SC5D: variants seen among roughly 807,000 people sequenced by gnomAD.
The protein encoded by SC5D is lathosterol oxidase.
Under a neutral mutation model 23.9 loss-of-function variants are expected in SC5D, and 21 were observed. The observed-to-expected ratio is 0.88, with a 90% confidence interval of 0.62 to 1.26. The LOEUF (loss-of-function observed/expected upper bound fraction) is 1.26. Ranked by LOEUF, SC5D falls within the 50% of genes most tolerant of loss-of-function variation. The probability of loss-of-function intolerance (pLI) is 0.00; values close to 1 mark genes in which losing one functional copy is unlikely to be tolerated. For missense variants in SC5D, 309 were observed against 364.8 expected, an observed-to-expected ratio of 0.85 and a Z score of 1.25; for synonymous variants, 113 against 125.9, an observed-to-expected ratio of 0.90 and a Z score of 0.68.
Position 121,312,432 on chromosome 11 carries a change from T to C in SC5D, c.*4920T>C, listed in dbSNP as rs544917595. Among the ~76,000 whole-genome samples, 1 of 152,294 alleles carries C rather than the reference T, an allele frequency of 6.6e-6. No homozygotes were observed. Among genetic ancestry groups the C allele is most frequent in the Non-Finnish European group, 1.5e-5 (1 of 68,000 alleles). ...TGTAAATTCCAATTATCCTGAACAT[T>C]TAATACCATTTACATATTTTATTAA... On this transcript the variant is annotated 3_prime_UTR_variant, in exon 5 of 5. Transcript: ENST00000264027.
intron 1 of SC5D, among the ~76,000 whole-genome samples, chr11:121,299,041 G>A (rs977864906): frequency 2.0e-5 from 3 of 152,176 alleles, no homozygotes; most frequent in African/African-American, 7.2e-5. Flanking sequence ...GGATGTATAC[G>A]TGCAGACTTG....
intron 1 of SC5D, among the ~76,000 whole-genome samples, chr11:121,295,195 GAC>G (rs1394727806): frequency 6.6e-6 from 1 of 152,214 alleles, no homozygotes; most frequent in Non-Finnish European, 1.5e-5. Flanking sequence ...ATTCACCCGT[GAC>G]ACAGCCTCAG....
intron 1 of SC5D, among the ~76,000 whole-genome samples, chr11:121,298,901 G>A (rs1004319956): frequency 3.3e-5 from 5 of 152,148 alleles, no homozygotes; most frequent in African/African-American, 9.7e-5. Context: ...GTTCTCTTGC[G>A]GGTCACAAGG....
In SC5D at chr11:121,297,626, G is replaced by T. The variant is rs150969321; in HGVS notation, c.-11+4810G>T. Among the ~76,000 whole-genome samples the T allele has an allele frequency of 2.0e-3, 311 of 152,272 alleles. 1 individual carries two copies. Among genetic ancestry groups the T allele is most frequent in the Middle Eastern group, 0.01 (3 of 294 alleles). On this transcript the variant is annotated intron_variant, in intron 1 of 4. Coordinates refer to ENST00000264027, the MANE Select transcript of SC5D (RefSeq NM_006918.5). ...GAACTACCACCACATGTGACTTAAA[G>T]AATAGAAAAACAGATCGTGGACGTT... is the stretch of plus-strand genomic sequence containing the variant.
Position 121,307,814 on chromosome 11 carries a change from G to A in SC5D, c.*302G>A, listed in dbSNP as rs1947979112. 1 of 269,464 alleles carries A rather than the reference G, an allele frequency of 3.7e-6. No individual in the cohort carries two copies. The highest frequency in any genetic ancestry group is 7.0e-6 in the Non-Finnish European group (1 of 141,924). The allele number at this position is 269,464 out of a possible 1,614,324, so 16.7% of individuals were successfully genotyped here. A position where few individuals can be genotyped will look rare whatever the true frequency, so the allele number is the denominator to read the frequency against. On this transcript the variant is annotated 3_prime_UTR_variant, in exon 5 of 5. Transcript: ENST00000264027. ...CTCAACAACAATTTTAAATAAGATG[G>A]AGAATAAATTATTGAGGGGACTAGG...
In SC5D at chr11:121,303,365, G is replaced by A. The variant is rs1284490366; in HGVS notation, c.-10-1G>A. 6.2e-7 allele frequency: 1 copy of A among 1,613,142 alleles called. No individual in the cohort carries two copies. The highest frequency in any genetic ancestry group is 8.5e-7 in the Non-Finnish European group (1 of 1,179,200). ...AATTGTCACACATGCTTATTTTTTA[G>A]GGGCTAAGTGATGGATCTTGTACTC... is the stretch of plus-strand genomic sequence containing the variant. On this transcript the variant is annotated splice_acceptor_variant, in intron 1 of 4. Coordinates refer to ENST00000264027, the MANE Select transcript of SC5D (RefSeq NM_006918.5). LOFTEE classifies it low-confidence loss of function (5UTR_SPLICE).
At position 121,307,720 on chromosome 11, in the gene SC5D, T is replaced by C. The variant is rs535487230; in HGVS notation, c.*208T>C. On this transcript the variant is annotated 3_prime_UTR_variant, in exon 5 of 5. Transcript: ENST00000264027. ...GAACACCAGGACTTTAATCTTATGC[T>C]TAAAATGCCAGATGTTGTTCGGGGG... 3 of 500,184 alleles carry C rather than the reference T, an allele frequency of 6.0e-6. No individual in the cohort carries two copies. In the East Asian group the frequency reaches 1.0e-4, roughly 17 times the overall value. 31.0% of individuals were successfully genotyped at this position (500,184 alleles called of 1,614,324 possible).
chr11:121,306,435 C>T lies in SC5D; in HGVS notation c.393C>T (p.Asp131=). 2 of 1,590,536 alleles carry T rather than the reference C, an allele frequency of 1.3e-6. No individual in the cohort carries two copies. The highest frequency in any genetic ancestry group is 1.7e-5 in the Admixed American group (1 of 59,996). Residue 131 remains aspartate, a synonymous_variant, in exon 4 of 5, where the codon GAC becomes GAT. Coordinates refer to ENST00000264027, the MANE Select transcript of SC5D (RefSeq NM_006918.5). ...VSIISFLFFT[D]MFIYWIHRGL... ...TAATATCTTTCCTCTTTTTCACTGA[C>T]ATGTTCATCTACTGGATTCACAGAG...
rs1298604805 is a variant in SC5D, at chr11:121,303,495, TG to T, written c.122del (p.Gly41ValfsTer12). On this transcript the variant is annotated frameshift_variant, in exon 2 of 5. Coordinates refer to ENST00000264027, the MANE Select transcript of SC5D (RefSeq NM_006918.5). LOFTEE classifies it high-confidence loss of function. ...AISLLIVTNV[G>X]AYILYFFCAT... ...TTAGTCTTCTGATTGTAACAAATGT[TG>T]GTGCTTACATCCTTTATTTCTTCTG... The T allele has an allele frequency of 1.9e-6, 3 of 1,613,928 alleles. No homozygotes were observed. The highest frequency in any genetic ancestry group is 2.5e-6 in the Non-Finnish European group (3 of 1,179,954).
At chr11:121,305,279 A>G (rs749164714) in intron 3 of SC5D, 33 of 151,042 alleles carry the variant, frequency 2.2e-4, no homozygotes, top group Admixed American at 1.2e-3. Context: ...GAATCAGTCC[A>G]TTGTTTTCCT....
chr11:121,307,188 G>A lies in SC5D; in HGVS notation c.576G>A (p.Val192=). 1 of 1,614,016 alleles carries A rather than the reference G, an allele frequency of 6.2e-7. No homozygotes were observed. The highest frequency in any genetic ancestry group is 1.3e-5 in the African/African-American group (1 of 74,978). Residue 192 remains valine (V), a synonymous_variant, in exon 5 of 5, where the codon GTG becomes GTA. Transcript: ENST00000264027. ...CTTTTATCTTTCCATTACACAAGGT[G>A]GTTTATTTAAGTCTGTACATCTTGG... ...IYPFIFPLHK[V]VYLSLYILVN...
rs534275309 is a variant in SC5D, at chr11:121,305,302, G to T, written c.343+809G>T. On this transcript the variant is annotated intron_variant, in intron 3 of 4. Coordinates refer to ENST00000264027, the MANE Select transcript of SC5D (RefSeq NM_006918.5). The stretch of plus-strand genomic sequence containing the variant: ...CCATTGTTTTCCTACAATTCTATGA[G>T]ATAGGTACTATCACTGTGCTCCTTT... 8 of 151,586 alleles carry T rather than the reference G, an allele frequency of 5.3e-5. No homozygotes were observed. The East Asian group carries it at 1.5e-3, about 29-fold the overall frequency. The allele number at this position is 151,586 out of a possible 1,614,324, so 9.4% of individuals were successfully genotyped here.
Position 121,312,212 on chromosome 11 carries a change from T to C in SC5D, c.*4700T>C, listed in dbSNP as rs908427931. Among the ~76,000 whole-genome samples the C allele has an allele frequency of 6.6e-6, 1 of 152,174 alleles. No individual in the cohort carries two copies. The highest frequency in any genetic ancestry group is 2.4e-5 in the African/African-American group (1 of 41,458). ...AGGCAGGAAGGAAGTGTTTGAACCA[T>C]GTGTCAACAAGCTTTACTGTCAAAG... On this transcript the variant is annotated 3_prime_UTR_variant, in exon 5 of 5. Transcript: ENST00000264027.
In SC5D at chr11:121,312,011, T is replaced by G. The variant is rs1948014701; in HGVS notation, c.*4499T>G. 1.3e-5 allele frequency among the ~76,000 whole-genome samples: 2 copies of G among 152,204 alleles called. No homozygotes were observed. Among genetic ancestry groups the G allele is most frequent in the Admixed American group, 6.5e-5 (1 of 15,278 alleles). On this transcript the variant is annotated 3_prime_UTR_variant, in exon 5 of 5. Transcript: ENST00000264027. ...AGTAAAACTAACATCGTTAACATTA[T>G]TTACTGTAAGTTATCTTTGTAAGAG...
intron 4 of SC5D, 32 bp downstream of exon 4, chr11:121,306,518 G>A (rs1947965901): frequency 1.9e-6 from 2 of 1,046,382 alleles, no homozygotes; most frequent in African/African-American, 1.6e-5. Flanking sequence ...AGAGAAAAAA[G>A]GTTACACATT....
intron 1 of SC5D, among the ~76,000 whole-genome samples, chr11:121,293,856 T>A (rs1947870039): frequency 6.6e-6 from 1 of 152,182 alleles, no homozygotes; most frequent in Non-Finnish European, 1.5e-5. Context: ...AGAGATAACA[T>A]AACGTGGTAG....
At chr11:121,302,582 G>A (rs547652330) in intron 1 of SC5D, among the ~76,000 whole-genome samples, 1 of 152,250 alleles carries the variant, frequency 6.6e-6, no homozygotes, top group South Asian at 2.1e-4. Context: ...TCGGTTCAAC[G>A]GGCCATACTG....
chr11:121,294,650 C>T (rs1237676093), intron 1 of SC5D, among the ~76,000 whole-genome samples: 3 of 152,074 alleles, frequency 2.0e-5, no homozygotes, highest in African/African-American at 7.2e-5. Flanking sequence ...GTAATTTTGA[C>T]GCATTTTTGA....
chr11:121,310,642 A>G lies in SC5D; in HGVS notation c.*3130A>G, dbSNP rs970803781. On this transcript the variant is annotated 3_prime_UTR_variant, in exon 5 of 5. Transcript: ENST00000264027. ...CGCCCGGCTAATTTTTTATATTTTT[A>G]GTAGAGATGGGGTTTCACCGTGTTA... Among the ~76,000 whole-genome samples the G allele has an allele frequency of 6.6e-6, 1 of 151,952 alleles. No homozygotes were observed. The highest frequency in any genetic ancestry group is 1.5e-5 in the Non-Finnish European group (1 of 67,990).
Sources: allele counts gnomAD v4.1 joint callset (sites outside exome capture counted in the v4.1 genomes callset), GRCh38; gene constraint gnomAD v4.1.1; transcripts MANE v1.5; gene names NCBI Gene and HGNC (gene_info 2026-07-23, HGNC 2026-07-21).